PTH2R: variants seen among roughly 807,000 people sequenced by gnomAD.
The protein encoded by PTH2R is parathyroid hormone 2 receptor.
PTH2R carries 59 observed loss-of-function variants against 60.3 expected under a neutral mutation model. The observed-to-expected ratio is 0.98, with a 90% CI of 0.79 to 1.22. The LOEUF (loss-of-function observed/expected upper bound fraction) is 1.22. Ranked by LOEUF, PTH2R falls within the 50% of genes most tolerant of loss-of-function variation. PTH2R has a pLI of 0.00. For synonymous variants in PTH2R, 256 were observed against 243.8 expected, an observed-to-expected ratio of 1.05 and a Z score of -0.47; for missense variants, 749 against 682.6, an observed-to-expected ratio of 1.10 and a Z score of -1.08.
At chr2:208,437,735 C>A (rs914691124) in intron 3 of PTH2R, 25 bp from the exon 4 acceptor site, 3 of 1,607,862 alleles carry the variant, frequency 1.9e-6, no homozygotes, top group Admixed American at 3.3e-5. Context: ...ACTGAGCGAT[C>A]TCAGCATCTT....
intron 1 of PTH2R, among the ~76,000 whole-genome samples, chr2:208,421,533 A>G (rs1472813453): frequency 6.6e-6 from 1 of 152,172 alleles, no homozygotes. Flanking sequence ...AGATGATTCA[A>G]TAATATTTTT....
intron 1 of PTH2R, among the ~76,000 whole-genome samples, chr2:208,368,032 A>G (rs913903147): frequency 5.0e-5 from 7 of 141,294 alleles, no homozygotes; most frequent in Non-Finnish European, 9.4e-5. Flanking sequence ...AAGACAAACA[A>G]TTACGTGAAT....
chr2:208,437,955 G>A, intron 4 of PTH2R, 74 bp downstream of exon 4: 2 of 1,535,928 alleles, frequency 1.3e-6, no homozygotes, highest in East Asian at 4.6e-5. Context: ...TCAATTGCCA[G>A]CCATTATGTA....
chr2:208,437,612 C>T lies in PTH2R; in HGVS notation c.254C>T (p.Pro85Leu). Residue 85 changes from proline to leucine, a missense_variant, in exon 3 of 13, where the codon CCA (proline) becomes CTA (leucine). Pro to Leu is a moderately conservative substitution (Grantham distance 98, BLOSUM62 -3). Transcript: ENST00000272847. Reference protein sequence around the residue: ...RGTVGKISAVPCPPYIYDFNH... With the variant: ...RGTVGKISAVLCPPYIYDFNH... ...ACAGTGGGGAAAATATCGGCTGTTC[C>T]ATGCCCTCCTTATATTTATGACTTC... 1 of 1,613,672 alleles carries T rather than the reference C, an allele frequency of 6.2e-7. No homozygotes were observed. Among genetic ancestry groups the T allele is most frequent in the Non-Finnish European group, 8.5e-7 (1 of 1,179,816 alleles).
chr2:208,459,530 G>A (rs1259697), intron 8 of PTH2R, among the ~76,000 whole-genome samples: 151,033 of 152,264 alleles, frequency 0.99, 74,916 homozygotes, highest in Middle Eastern at 1. Flanking sequence ...TTCTTTATCA[G>A]TGAATTTAAA....
At chr2:208,470,858 G>T (rs1275195921) in intron 9 of PTH2R, among the ~76,000 whole-genome samples, 1 of 152,168 alleles carries the variant, frequency 6.6e-6, no homozygotes, top group Non-Finnish European at 1.5e-5. Flanking sequence ...CTAGAAACTT[G>T]TTGAATGGCT....
In PTH2R at chr2:208,493,608, A is replaced by G. The variant is rs754804270; in HGVS notation, c.1602A>G (p.Glu534=). The G allele has an allele frequency of 6.3e-7, 1 of 1,595,442 alleles. No homozygotes were observed. Among genetic ancestry groups the G allele is most frequent in the Non-Finnish European group, 8.6e-7 (1 of 1,169,040 alleles). The stretch of plus-strand genomic sequence containing the variant: ...TGGAGAAGCCTTCCAGGCCTATGGA[A>G]TCTAACCCAGACACTGAAGGATGCC... The part of the protein sequence containing the change: ...ILMEKPSRPM[E]SNPDTEGCQG... The change falls in exon 13 of 13, where the codon GAA becomes GAG. Residue 534 remains glutamate (E), a synonymous_variant. Transcript: ENST00000272847.
At chr2:208,370,442 C>CAAAA (rs71041305) in intron 1 of PTH2R, among the ~76,000 whole-genome samples, 81 of 61,698 alleles carry the variant, frequency 1.3e-3, no homozygotes, top group African/African-American at 5.0e-3. Flanking sequence ...GACTCCGTCT[C>CAAAA]AAAAAAAAAA....
chr2:208,401,198 T>C (rs1701302185), intron 1 of PTH2R, among the ~76,000 whole-genome samples: 1 of 152,224 alleles, frequency 6.6e-6, no homozygotes, highest in Admixed American at 6.5e-5. Flanking sequence ...CTTCCATCTG[T>C]ATGGGAACTA....
intron 1 of PTH2R, among the ~76,000 whole-genome samples, chr2:208,369,858 TG>T (rs1242474537): frequency 6.6e-6 from 1 of 152,096 alleles, no homozygotes; most frequent in Non-Finnish European, 1.5e-5. Flanking sequence ...AACGCACTTA[TG>T]TATTGCAACC....
intron 1 of PTH2R, among the ~76,000 whole-genome samples, chr2:208,378,765 C>T (rs2125875138): frequency 6.6e-6 from 1 of 152,220 alleles, no homozygotes; most frequent in South Asian, 2.1e-4. Context: ...TTAAGTCACC[C>T]AGTCTAAGGT....
chr2:208,395,626 G>A (rs759781616), intron 1 of PTH2R, among the ~76,000 whole-genome samples: 1 of 152,156 alleles, frequency 6.6e-6, no homozygotes, highest in African/African-American at 2.4e-5. Context: ...GTATGAGACC[G>A]AGGATAGAAA....
exon 1 of PTH2R, chr2:208,359,739 TA>T (rs1700403477): frequency 6.5e-6 from 1 of 153,476 alleles, no homozygotes. Flanking sequence ...ACAGGTCCAC[TA>T]CGTGAGGGGA....
chr2:208,381,071 G>A (rs948063379), intron 1 of PTH2R, among the ~76,000 whole-genome samples: 6 of 151,982 alleles, frequency 3.9e-5, no homozygotes, highest in Admixed American at 1.3e-4. Flanking sequence ...CTTTCTTTTC[G>A]CATATGTTAT....
chr2:208,473,888 G>A (rs60060540), intron 9 of PTH2R, among the ~76,000 whole-genome samples: 2,826 of 151,962 alleles, frequency 0.019, 75 homozygotes, highest in African/African-American at 0.062. Context: ...TGACAATACC[G>A]GCACACAGAG....
chr2:208,430,545 T>TC (rs1701949192), intron 2 of PTH2R, among the ~76,000 whole-genome samples: 1 of 128,854 alleles, frequency 7.8e-6, no homozygotes, highest in South Asian at 2.7e-4. Flanking sequence ...CTGTCTGGCT[T>TC]CTTTTTTTTT....
rs773286308 is a variant in PTH2R, at chr2:208,406,970, C to G, written c.-74C>G. 7.8e-7 allele frequency: 1 copy of G among 1,288,838 alleles called. No homozygotes were observed. The highest frequency in any genetic ancestry group is 1.0e-6 in the Non-Finnish European group (1 of 986,682). 79.8% of individuals were successfully genotyped at this position (1,288,838 alleles called of 1,614,324 possible). Reference sequence around the variant, plus strand: ...TGGCCACAAGTTTGCTCTGGGCCAGCCAAGTTGGCAACTTGGAAGCTTCTC... The same window carrying G: ...TGGCCACAAGTTTGCTCTGGGCCAGGCAAGTTGGCAACTTGGAAGCTTCTC... On this transcript the variant is annotated 5_prime_UTR_variant, in exon 1 of 13. Coordinates refer to ENST00000272847, the MANE Select transcript of PTH2R (RefSeq NM_005048.4).
chr2:208,394,442 C>G (rs542603632), intron 1 of PTH2R, among the ~76,000 whole-genome samples: 369 of 152,318 alleles, frequency 2.4e-3, no homozygotes, highest in African/African-American at 8.6e-3. Context: ...GGGTGTCCCC[C>G]CCACCAATTA....
intron 1 of PTH2R, among the ~76,000 whole-genome samples, chr2:208,398,230 T>C (rs1261028494): frequency 6.6e-6 from 1 of 152,260 alleles, no homozygotes; most frequent in Non-Finnish European, 1.5e-5. Flanking sequence ...AGAGCAGATA[T>C]ATCCTCATTA....
Sources: gnomAD v4.1 joint callset for allele counts (sites outside exome capture counted in the v4.1 genomes callset) on GRCh38, gnomAD v4.1.1 for gene constraint, MANE v1.5 for transcripts, NCBI Gene and HGNC (gene_info 2026-07-23, HGNC 2026-07-21) for gene names.